PRKN: variants seen among roughly 807,000 people sequenced by gnomAD.
The protein encoded by PRKN is E3 ubiquitin-protein ligase parkin.
PRKN carries 56 observed loss-of-function variants against 59.5 expected under a neutral mutation model. That is an observed-to-expected ratio of 0.94 (90% CI 0.76 to 1.18). The LOEUF (loss-of-function observed/expected upper bound fraction) is 1.18, where lower values mean the gene tolerates loss of function less well. PRKN is among the 50% of genes most tolerant of loss of function. The pLI, the probability that PRKN is intolerant of heterozygous loss-of-function variation, is 0.00. For synonymous variants in PRKN, 250 were observed against 222.1 expected (o/e 1.13, Z -1.12); for missense variants, 657 against 596.4 (o/e 1.10, Z -1.06).
rs776797834 is a variant in PRKN at position 161,548,307 on chromosome 6, C to T, written c.1083+547G>A. On this transcript the variant is annotated intron_variant, in intron 9 of 11. Coordinates refer to ENST00000366898, the MANE Select transcript of PRKN (RefSeq NM_004562.3). The surrounding 1 kb of genome is among the most constrained non-coding windows in gnomAD (Gnocchi z 4.2). Reference sequence around the variant, plus strand: ...GGTCACATGGTTTGACCTCTTAGAACAAACATTTTCCACATTTCTTATTCT... The same window carrying T: ...GGTCACATGGTTTGACCTCTTAGAATAAACATTTTCCACATTTCTTATTCT... Among the ~76,000 whole-genome samples the T allele has an allele frequency of 4.6e-5, 7 of 152,190 alleles. No homozygotes were observed. The South Asian group carries it at 6.2e-4, about 14-fold the overall frequency.
intron 7 of PRKN, among the ~76,000 whole-genome samples, chr6:161,663,259 G>A (rs1406214042): frequency 6.6e-6 from 1 of 152,120 alleles, no homozygotes; most frequent in Non-Finnish European, 1.5e-5. Context: ...ATGTGGCGGT[G>A]GCAAGTGCAG....
intron 1 of PRKN, among the ~76,000 whole-genome samples, chr6:162,461,154 G>A (rs1791136048): frequency 6.6e-6 from 1 of 151,450 alleles, no homozygotes; most frequent in South Asian, 2.1e-4. Flanking sequence ...TATGATACAT[G>A]CTATATTAGG....
intron 1 of PRKN, among the ~76,000 whole-genome samples, chr6:162,583,951 C>T (rs1280753855): frequency 2.6e-5 from 4 of 152,216 alleles, no homozygotes; most frequent in Admixed American, 6.5e-5. Context: ...CGGTGGCTCA[C>T]GCCTGTAATC....
At chr6:161,418,131 T>C (rs6455726) in intron 9 of PRKN, among the ~76,000 whole-genome samples, 76,129 of 152,166 alleles carry the variant, frequency 0.5, 19,801 homozygotes, top group East Asian at 0.84. Context: ...TACTGTATAT[T>C]AATAAAAATA....
chr6:161,969,202 G>A (rs1295920087), intron 6 of PRKN, among the ~76,000 whole-genome samples: 5 of 151,214 alleles, frequency 3.3e-5, no homozygotes, highest in East Asian at 2.0e-4. Flanking sequence ...TGTTATGACC[G>A]TATTCTTAGA....
chr6:162,023,014 T>C (rs180818960), intron 5 of PRKN, among the ~76,000 whole-genome samples: 138 of 152,244 alleles, frequency 9.1e-4, no homozygotes, highest in African/African-American at 3.3e-3. Flanking sequence ...CATTGATATA[T>C]GTGTCCATTT....
At chr6:162,353,695 G>A (rs1784719940) in intron 2 of PRKN, among the ~76,000 whole-genome samples, 3 of 152,038 alleles carry the variant, frequency 2.0e-5, no homozygotes, top group Admixed American at 6.6e-5. Context: ...ATAATAGAAA[G>A]AGTCCAGACA....
intron 1 of PRKN, among the ~76,000 whole-genome samples, chr6:162,475,918 A>T (rs1016746260): frequency 6.6e-6 from 1 of 151,108 alleles, no homozygotes; most frequent in Non-Finnish European, 1.5e-5. Flanking sequence ...TGCCCAGCTA[A>T]TTTTTGTATT....
intron 9 of PRKN, among the ~76,000 whole-genome samples, chr6:161,490,785 G>A (rs7774955): frequency 0.027 from 4,063 of 152,190 alleles, 168 homozygotes; most frequent in African/African-American, 0.093. Flanking sequence ...TGACTGGATT[G>A]TGGGGGTGGG....
At chr6:161,990,691 G>C (rs1055033649) in intron 5 of PRKN, among the ~76,000 whole-genome samples, 1 of 152,050 alleles carries the variant, frequency 6.6e-6, no homozygotes, top group African/African-American at 2.4e-5. Flanking sequence ...GAGATCATTT[G>C]AAATAACCCA....
chr6:161,904,893 G>A (rs950892633), intron 6 of PRKN, among the ~76,000 whole-genome samples: 2 of 152,146 alleles, frequency 1.3e-5, no homozygotes, highest in Non-Finnish European at 2.9e-5. Flanking sequence ...AGTCAGGATA[G>A]GACTGCAGCC....
chr6:162,333,421 C>T (rs1783679835), intron 2 of PRKN, among the ~76,000 whole-genome samples: 1 of 152,072 alleles, frequency 6.6e-6, no homozygotes, highest in South Asian at 2.1e-4. Flanking sequence ...CATGTGCTCA[C>T]TTCATGTCTC....
At chr6:162,036,056 G>A (rs1246269724) in intron 5 of PRKN, among the ~76,000 whole-genome samples, 2 of 152,220 alleles carry the variant, frequency 1.3e-5, no homozygotes, top group Non-Finnish European at 2.9e-5. Context: ...CGGGCGCGGT[G>A]GCTCACGCCT....
At chr6:162,106,878 T>C (rs1428898631) in intron 4 of PRKN, among the ~76,000 whole-genome samples, 2 of 152,190 alleles carry the variant, frequency 1.3e-5, no homozygotes, top group Non-Finnish European at 2.9e-5. Context: ...AAAAAGGCAA[T>C]GTGAGGGGCT....
chr6:162,192,423 C>A, intron 4 of PRKN, among the ~76,000 whole-genome samples: 1 of 140,780 alleles, frequency 7.1e-6, no homozygotes. Flanking sequence ...TTATGGTAAG[C>A]ATTCAATAAA....
intron 1 of PRKN, among the ~76,000 whole-genome samples, chr6:162,545,747 A>T (rs1779092865): frequency 6.6e-6 from 1 of 152,200 alleles, no homozygotes; most frequent in Non-Finnish European, 1.5e-5. Flanking sequence ...TGTTCTCTTC[A>T]ACTTTTAAAC....
At chr6:162,244,029 T>C (rs1411887387) in intron 3 of PRKN, among the ~76,000 whole-genome samples, 2 of 152,236 alleles carry the variant, frequency 1.3e-5, no homozygotes, top group African/African-American at 2.4e-5. Context: ...GGAAAAACAG[T>C]TGCTCTTTAG....
chr6:162,105,804 A>T (rs1325140624), intron 4 of PRKN, among the ~76,000 whole-genome samples: 1 of 152,228 alleles, frequency 6.6e-6, no homozygotes, highest in Non-Finnish European at 1.5e-5. Flanking sequence ...AAAGGCATAA[A>T]TCTGAACCAA....
At chr6:161,737,061 G>A (rs746792075) in intron 7 of PRKN, among the ~76,000 whole-genome samples, 8 of 152,204 alleles carry the variant, frequency 5.3e-5, no homozygotes, top group Non-Finnish European at 1.0e-4. Flanking sequence ...AGAAAGAGAT[G>A]CAGAGATGAG....
Sources: allele counts gnomAD v4.1 joint callset (sites outside exome capture counted in the v4.1 genomes callset), GRCh38; gene constraint gnomAD v4.1.1; non-coding constraint Gnocchi (gnomAD v3.1); transcripts MANE v1.5; gene names NCBI Gene and HGNC (gene_info 2026-07-23, HGNC 2026-07-21).